SUCLG2: variants seen among roughly 807,000 people sequenced by gnomAD.
The protein encoded by SUCLG2 is succinate--CoA ligase [GDP-forming] subunit beta, mitochondrial.
In SUCLG2, 42 loss-of-function variants were observed where a neutral mutation model predicts 47.9. The ratio of observed to expected loss-of-function variants is 0.88; its 90% CI spans 0.69 to 1.14. The LOEUF is 1.14. Ranked by LOEUF, SUCLG2 falls within the 50% of genes most tolerant of loss-of-function variation. The pLI is 0.00. For synonymous variants in SUCLG2, 195 were observed against 197.3 expected, an observed-to-expected ratio of 0.99 and a Z score of 0.10; for missense variants, 571 against 525.9, an observed-to-expected ratio of 1.09 and a Z score of -0.84.
intron 2 of SUCLG2, among the ~76,000 whole-genome samples, chr3:67,544,217 G>A (rs900170605): frequency 2.0e-5 from 3 of 152,138 alleles, no homozygotes; most frequent in Non-Finnish European, 4.4e-5. Context: ...AGGGGAAATG[G>A]TGTCAAGTAA....
At chr3:67,624,129 T>C (rs1700781992) in intron 1 of SUCLG2, among the ~76,000 whole-genome samples, 1 of 152,232 alleles carries the variant, frequency 6.6e-6, no homozygotes, top group Non-Finnish European at 1.5e-5. Context: ...TTAGGATACA[T>C]TTGAGTTTAA....
At chr3:67,437,103 G>A (rs1264203034) in intron 9 of SUCLG2, among the ~76,000 whole-genome samples, 1 of 151,970 alleles carries the variant, frequency 6.6e-6, no homozygotes, top group Non-Finnish European at 1.5e-5. Flanking sequence ...TCTGGGAGTG[G>A]GGAGAAGTTT....
intron 9 of SUCLG2, among the ~76,000 whole-genome samples, chr3:67,452,796 A>G (rs1704086584): frequency 6.6e-6 from 1 of 152,242 alleles, no homozygotes; most frequent in African/African-American, 2.4e-5. Flanking sequence ...TGTATTCAGG[A>G]CCGCATTTCT....
intron 4 of SUCLG2, among the ~76,000 whole-genome samples, chr3:67,522,046 C>T (rs73088962): frequency 6.2e-5 from 6 of 97,552 alleles, no homozygotes; most frequent in East Asian, 2.4e-4. Flanking sequence ...ATTTATTTAT[C>T]TATTTATTTA....
intron 2 of SUCLG2, among the ~76,000 whole-genome samples, chr3:67,602,646 G>C (rs1708444622): frequency 6.6e-6 from 1 of 152,184 alleles, no homozygotes; most frequent in Non-Finnish European, 1.5e-5. Context: ...ACAACTTGTT[G>C]AATGGGATAT....
intron 9 of SUCLG2, among the ~76,000 whole-genome samples, chr3:67,476,187 A>G (rs1241559487): frequency 4.6e-5 from 7 of 152,166 alleles, no homozygotes; most frequent in African/African-American, 1.4e-4. Context: ...GCCATGGACC[A>G]GTACTGGTCC....
chr3:67,447,318 A>T (rs1480005911), intron 9 of SUCLG2, among the ~76,000 whole-genome samples: 1 of 152,368 alleles, frequency 6.6e-6, no homozygotes, highest in East Asian at 1.9e-4. Flanking sequence ...ACAAGTCATT[A>T]CCAAAAAGTG....
At chr3:67,418,693 T>C (rs1703087977) in intron 9 of SUCLG2, among the ~76,000 whole-genome samples, 1 of 152,190 alleles carries the variant, frequency 6.6e-6, no homozygotes, top group Non-Finnish European at 1.5e-5. Context: ...TTGAAGTCCC[T>C]GAGCCCTGCT....
At chr3:67,382,029 G>A (rs888922079) in intron 10 of SUCLG2, among the ~76,000 whole-genome samples, 2 of 152,158 alleles carry the variant, frequency 1.3e-5, no homozygotes, top group African/African-American at 2.4e-5. Flanking sequence ...AGGCTGTGAA[G>A]AAAATCATTT....
chr3:67,560,467 T>C (rs1219587853), intron 2 of SUCLG2, among the ~76,000 whole-genome samples: 1 of 152,166 alleles, frequency 6.6e-6, no homozygotes, highest in Non-Finnish European at 1.5e-5. Flanking sequence ...AGATCTGGGT[T>C]CAAGCCCTGA....
chr3:67,476,005 C>CTCTCTCTCTCTCTCTCTCTCTCT (rs1553648322), intron 9 of SUCLG2, among the ~76,000 whole-genome samples: 2 of 152,164 alleles, frequency 1.3e-5, no homozygotes, highest in African/African-American at 4.8e-5. Context: ...CTCTCTCTCT[C>CTCTCTCTCTCTCTCTCTCTCTCT]TCTCTCTCAC....
intron 10 of SUCLG2, among the ~76,000 whole-genome samples, chr3:67,377,800 C>A (rs1177914707): frequency 6.6e-6 from 1 of 152,138 alleles, no homozygotes; most frequent in South Asian, 2.1e-4. Flanking sequence ...ACTAAAGGCA[C>A]ACATCACCAC....
intron 9 of SUCLG2, among the ~76,000 whole-genome samples, chr3:67,411,056 C>T (rs1163678070): frequency 6.6e-6 from 1 of 152,044 alleles, no homozygotes; most frequent in Admixed American, 6.6e-5. Context: ...AGAGAACACC[C>T]ATAAAATTGG....
At chr3:67,422,405 G>A (rs989005420) in intron 9 of SUCLG2, among the ~76,000 whole-genome samples, 5 of 137,912 alleles carry the variant, frequency 3.6e-5, no homozygotes, top group Admixed American at 2.5e-4. Context: ...AACCCGGGAA[G>A]TGGAGGTTGC....
In SUCLG2 at chr3:67,413,251, C is replaced by T. The variant is rs944950310; in HGVS notation, c.1063-12400G>A. 2.0e-5 allele frequency among the ~76,000 whole-genome samples: 3 copies of T among 152,156 alleles called. No individual in the cohort carries two copies. The East Asian group carries it at 5.8e-4, about 29-fold the overall frequency. On this transcript the variant is annotated intron_variant, in intron 9 of 10. Transcript: ENST00000307227. Reference sequence around the variant, plus strand: ...GCTTGTCAGGTGAAAACGAGCTTCTCAGCACTAAAACGGCTTCATTCAGTT... The same window carrying T: ...GCTTGTCAGGTGAAAACGAGCTTCTTAGCACTAAAACGGCTTCATTCAGTT...
rs1415147937 is a variant in SUCLG2, at chr3:67,495,808, G to C, written c.1052C>G (p.Ala351Gly). 3 of 1,613,698 alleles carry C rather than the reference G, an allele frequency of 1.9e-6. No individual in the cohort carries two copies. The highest frequency in any genetic ancestry group is 2.5e-6 in the Non-Finnish European group (3 of 1,179,972). ...QVYQAFKLLT[A>G]DPKVEAILVN... ...AAAGAGAAAGGTTACCTTAGGATCA[G>C]CTGTGAGCAATTTGAATGCTTGATA... The change falls in exon 9 of 11, where the codon GCT (alanine) becomes GGT (glycine). Residue 351 changes from alanine (A) to glycine (G), a missense_variant. Transcript: ENST00000307227.
intron 4 of SUCLG2, among the ~76,000 whole-genome samples, chr3:67,524,630 A>G (rs1249737971): frequency 4.6e-5 from 7 of 152,184 alleles, no homozygotes; most frequent in Admixed American, 2.6e-4. Context: ...TTAGAATCAA[A>G]AGGTTCTATA....
intron 9 of SUCLG2, among the ~76,000 whole-genome samples, chr3:67,468,517 C>T (rs2106977269): frequency 6.6e-6 from 1 of 152,230 alleles, no homozygotes; most frequent in South Asian, 2.1e-4. Context: ...GAGCCATTCA[C>T]TATATATGAT....
chr3:67,471,356 C>T (rs9848013), intron 9 of SUCLG2, among the ~76,000 whole-genome samples: 14,529 of 152,156 alleles, frequency 0.095, 883 homozygotes, highest in East Asian at 0.19. Flanking sequence ...GCATCCAAAT[C>T]TTTGTAAGAC....
Sources: allele counts gnomAD v4.1 joint callset (sites outside exome capture counted in the v4.1 genomes callset), GRCh38; gene constraint gnomAD v4.1.1; transcripts MANE v1.5; gene names NCBI Gene and HGNC (gene_info 2026-07-23, HGNC 2026-07-21).